DIS3L2: variants seen among roughly 807,000 people sequenced by gnomAD.
The protein encoded by DIS3L2 is DIS3 like 3'-5' exoribonuclease 2, also known as DIS3-like exonuclease 2.
A neutral mutation model predicts 97.5 loss-of-function variants in DIS3L2; 34 were observed. The ratio of observed to expected loss-of-function variants is 0.35; its 90% CI spans 0.27 to 0.46. The LOEUF (loss-of-function observed/expected upper bound fraction) is 0.46. Ranked by LOEUF, DIS3L2 falls within the 20% of genes least tolerant of loss-of-function variation. DIS3L2 has a pLI of 1.00. For synonymous variants in DIS3L2, 435 were observed against 445.2 expected (o/e 0.98, Z 0.29); for missense variants, 1,038 against 1,146.0 (o/e 0.91, Z 1.36).
At chr2:232,202,662 A>G (rs1691926355) in intron 9 of DIS3L2, among the ~76,000 whole-genome samples, 1 of 152,172 alleles carries the variant, frequency 6.6e-6, no homozygotes, top group Non-Finnish European at 1.5e-5. Context: ...GTGCTGCATC[A>G]TTTCTTTCTA....
At chr2:231,993,009 T>C (rs1693627319) in intron 1 of DIS3L2, among the ~76,000 whole-genome samples, 1 of 152,128 alleles carries the variant, frequency 6.6e-6, no homozygotes, top group African/African-American at 2.4e-5. Context: ...TTTCAGTTGC[T>C]TTGGTTATGA....
chr2:232,218,088 G>C (rs552239836), intron 10 of DIS3L2, among the ~76,000 whole-genome samples: 8 of 152,296 alleles, frequency 5.3e-5, no homozygotes, highest in Admixed American at 1.3e-4. Context: ...ATGGGAAGAG[G>C]GGAAGATTAG....
chr2:232,114,201 G>A (rs541136899), intron 6 of DIS3L2, among the ~76,000 whole-genome samples: 60 of 151,910 alleles, frequency 3.9e-4, no homozygotes, highest in Admixed American at 1.1e-3. Flanking sequence ...TAAGACTCCC[G>A]TCCCTCCCAT....
intron 5 of DIS3L2, among the ~76,000 whole-genome samples, chr2:232,047,176 A>G (rs1695265679): frequency 6.6e-6 from 1 of 152,252 alleles, no homozygotes; most frequent in Admixed American, 6.5e-5. Flanking sequence ...TTCAATATAA[A>G]GAGTTTTTGT....
In DIS3L2 at chr2:232,263,236, C is replaced by G; in HGVS notation, c.1455C>G (p.Ile485Met). The change falls in exon 13 of 21, where the codon ATC becomes ATG. Residue 485 changes from isoleucine to methionine, a missense_variant. Ile to Met is a conservative substitution (Grantham distance 10). This residue lies in a region of DIS3L2 where 813 missense variants were observed against 880.1 expected (regional missense o/e 0.92). Transcript: ENST00000325385. ...KILDEWFGRT[I>M]IRSCTKLSYE... is the part of the protein sequence containing the mutation. ...TTGATGAATGGTTTGGCCGGACCAT[C>G]ATCCGCTCCTGCACCAAACTTAGCT... 2 of 1,614,238 alleles carry G rather than the reference C, an allele frequency of 1.2e-6. No homozygotes were observed. Among genetic ancestry groups the G allele is most frequent in the Non-Finnish European group, 1.7e-6 (2 of 1,180,042 alleles).
chr2:232,253,464 A>G (rs1693471790), intron 12 of DIS3L2, among the ~76,000 whole-genome samples: 3 of 152,236 alleles, frequency 2.0e-5, no homozygotes, highest in Admixed American at 2.0e-4. Flanking sequence ...GTTGGTGGAA[A>G]GTTTGGGGTA....
Position 232,232,026 on chromosome 2 carries a change from C to A in DIS3L2, c.1205-6507C>A, listed in dbSNP as rs72994290. 3.3e-5 allele frequency among the ~76,000 whole-genome samples: 5 copies of A among 152,062 alleles called. No homozygotes were observed. In the South Asian group the frequency reaches 1.0e-3, roughly 32 times the overall value. On this transcript the variant is annotated intron_variant, in intron 10 of 20. Coordinates refer to ENST00000325385, the MANE Select transcript of DIS3L2 (RefSeq NM_152383.5). The stretch of plus-strand genomic sequence containing the variant: ...CCAGGAAGAGGAATAGAGAGAACCG[C>A]GGGGAGACCCCTGGGTGTGAGCATG...
intron 14 of DIS3L2, among the ~76,000 whole-genome samples, chr2:232,317,870 A>G (rs1018356334): frequency 6.6e-6 from 1 of 152,256 alleles, no homozygotes; most frequent in African/African-American, 2.4e-5. Flanking sequence ...CAGAGCTTAT[A>G]ATGTTAAATA....
At chr2:232,157,920 T>C (rs1690541728) in intron 8 of DIS3L2, among the ~76,000 whole-genome samples, 2 of 152,212 alleles carry the variant, frequency 1.3e-5, no homozygotes, top group Non-Finnish European at 2.9e-5. Context: ...GTGGGAGCCT[T>C]TCACTGTGCA....
At chr2:232,120,365 A>G (rs867467959) in intron 6 of DIS3L2, among the ~76,000 whole-genome samples, 37 of 152,200 alleles carry the variant, frequency 2.4e-4, no homozygotes, top group African/African-American at 8.4e-4. Flanking sequence ...GCTGGTCACC[A>G]TGGGCAAGCA....
At chr2:232,061,836 GAA>G (rs1490328713) in intron 5 of DIS3L2, among the ~76,000 whole-genome samples, 2 of 152,154 alleles carry the variant, frequency 1.3e-5, no homozygotes, top group African/African-American at 4.8e-5. Flanking sequence ...CCATGGTGGA[GAA>G]GGAACTACCT....
intron 5 of DIS3L2, among the ~76,000 whole-genome samples, chr2:232,067,064 A>G (rs1460911551): frequency 3.3e-5 from 5 of 151,966 alleles, no homozygotes; most frequent in African/African-American, 4.8e-5. Context: ...GATTTTATCA[A>G]TCTTTTCATG....
chr2:232,027,493 G>A (rs115467135), intron 4 of DIS3L2, among the ~76,000 whole-genome samples: 3 of 152,144 alleles, frequency 2.0e-5, no homozygotes, highest in African/African-American at 7.2e-5. Context: ...AGTAAATGTT[G>A]TCTAATGTTG....
intron 1 of DIS3L2, among the ~76,000 whole-genome samples, chr2:231,982,007 G>C (rs1693277400): frequency 6.6e-6 from 1 of 150,558 alleles, no homozygotes; most frequent in South Asian, 2.1e-4. Flanking sequence ...ACTCCAGTGT[G>C]GGTGACAGAA....
rs147081822 is a variant in DIS3L2 at position 232,298,577 on chromosome 2, CAGTT to C, written c.1660-1460_1660-1457del. Among the ~76,000 whole-genome samples the C allele has an allele frequency of 6.7e-3, 1,022 of 152,190 alleles. 19 individuals are homozygous for C. The highest frequency in any genetic ancestry group is 0.023 in the African/African-American group (967 of 41,500). Reference sequence around the variant, plus strand: ...TCTGCTTTTGTGTTTTCATCTGGGTCAGTTAGAGGACAAACCATTCCTGTGAGTT... The same window carrying C: ...TCTGCTTTTGTGTTTTCATCTGGGTCAGAGGACAAACCATTCCTGTGAGTT... On this transcript the variant is annotated intron_variant, in intron 13 of 20. Coordinates refer to ENST00000325385, the MANE Select transcript of DIS3L2 (RefSeq NM_152383.5).
At chr2:232,103,258 G>A (rs1697256657) in intron 6 of DIS3L2, among the ~76,000 whole-genome samples, 1 of 151,654 alleles carries the variant, frequency 6.6e-6, no homozygotes, top group Non-Finnish European at 1.5e-5. Context: ...TATTTCATTG[G>A]CCATTACTTT....
intron 1 of DIS3L2, among the ~76,000 whole-genome samples, chr2:232,010,395 A>T (rs796841215): frequency 3.3e-5 from 5 of 151,996 alleles, no homozygotes; most frequent in African/African-American, 1.2e-4. Flanking sequence ...TGTATTGGTT[A>T]TTTTTTTAAA....
chr2:232,160,494 A>C (rs1193813664), intron 8 of DIS3L2, among the ~76,000 whole-genome samples: 1 of 151,974 alleles, frequency 6.6e-6, no homozygotes, highest in Non-Finnish European at 1.5e-5. Context: ...CTCCTCTCTC[A>C]TTCTTGATAT....
At chr2:231,984,085 C>T (rs1217117789) in intron 1 of DIS3L2, among the ~76,000 whole-genome samples, 1 of 151,614 alleles carries the variant, frequency 6.6e-6, no homozygotes, top group East Asian at 1.9e-4. Flanking sequence ...TATAATTGAT[C>T]ATTTTGTCTC....
Sources: allele counts gnomAD v4.1 joint callset (sites outside exome capture counted in the v4.1 genomes callset), GRCh38; gene constraint gnomAD v4.1.1; regional missense constraint gnomAD v4.1.1; transcripts MANE v1.5; gene names NCBI Gene and HGNC (gene_info 2026-07-23, HGNC 2026-07-21).